Variants in OSBPL9 observed in about 807,000 individuals in gnomAD.
OSBPL9 encodes the protein oxysterol binding protein like 9, also known as oxysterol-binding protein-related protein 9.
A neutral mutation model predicts 106.6 loss-of-function variants in OSBPL9; 40 were observed. That is an observed-to-expected ratio of 0.38 (90% CI 0.29 to 0.49). The LOEUF (loss-of-function observed/expected upper bound fraction) is 0.49. Ranked by LOEUF, OSBPL9 falls within the 20% of genes least tolerant of loss-of-function variation. The pLI is 0.97. For missense variants in OSBPL9, 609 were observed against 887.2 expected (o/e 0.69, Z 3.98); for synonymous variants, 269 against 295.4 (o/e 0.91, Z 0.92).
chr1:51,683,778 G>A (rs1025603954), intron 3 of OSBPL9, among the ~76,000 whole-genome samples: 8 of 150,926 alleles, frequency 5.3e-5, no homozygotes, highest in Non-Finnish European at 7.4e-5. Context: ...GGGCGACAGA[G>A]CAAGACTCTG....
the OSBPL9 span, among the ~76,000 whole-genome samples, chr1:51,568,694 G>A: frequency 6.6e-6 from 1 of 152,074 alleles, no homozygotes; most frequent in Non-Finnish European, 1.5e-5. Flanking sequence ...AGCCTCCTGA[G>A]TACCTGGAAT....
chr1:51,641,006 C>T (rs529880505), intron 1 of OSBPL9, among the ~76,000 whole-genome samples: 1 of 151,796 alleles, frequency 6.6e-6, no homozygotes, highest in Non-Finnish European at 1.5e-5. Context: ...CCAGGCTGGT[C>T]TCCAACTCCT....
At chr1:51,557,630 T>C in the OSBPL9 span, among the ~76,000 whole-genome samples, 1 of 152,252 alleles carries the variant, frequency 6.6e-6, no homozygotes, top group Admixed American at 6.5e-5. Flanking sequence ...TTACCTGTGC[T>C]ATCCCACTTG....
rs900100127 is a variant in OSBPL9 at position 51,776,808 on chromosome 1, A to G, written c.1171-25A>G. On this transcript the variant is annotated intron_variant, in intron 14 of 23. Coordinates refer to ENST00000428468, the MANE Select transcript of OSBPL9 (RefSeq NM_024586.6). The stretch of plus-strand genomic sequence containing the variant: ...TATCTGAAGAGAAATTTGATCTTCA[A>G]GGGTCAAATGTGTATGTTTTTCAGG... 5 of 1,494,528 alleles carry G rather than the reference A, an allele frequency of 3.3e-6. No homozygotes were observed. In the East Asian group the frequency reaches 6.8e-5, roughly 20 times the overall value. The allele number at this position is 1,494,528 out of a possible 1,614,324, so 92.6% of individuals were successfully genotyped here. A position where few individuals can be genotyped will look rare whatever the true frequency, so the allele number is the denominator to read the frequency against.
At chr1:51,706,390 A>G (rs894315309) in intron 3 of OSBPL9, among the ~76,000 whole-genome samples, 1 of 152,122 alleles carries the variant, frequency 6.6e-6, no homozygotes, top group African/African-American at 2.4e-5. Context: ...TCAGGGAGTT[A>G]TGAGTATGTG....
chr1:51,645,483 T>C (rs1646097155), intron 1 of OSBPL9, among the ~76,000 whole-genome samples: 1 of 151,916 alleles, frequency 6.6e-6, no homozygotes, highest in African/African-American at 2.4e-5. Flanking sequence ...GTTTGTTTGG[T>C]TGGTTTTTTT....
At chr1:51,670,013 G>A (rs1649487779) in intron 3 of OSBPL9, among the ~76,000 whole-genome samples, 1 of 152,142 alleles carries the variant, frequency 6.6e-6, no homozygotes, top group South Asian at 2.1e-4. Flanking sequence ...GTATTTCTGT[G>A]TTTTGTTTGC....
chr1:51,743,810 C>T (rs1667426223), intron 4 of OSBPL9, among the ~76,000 whole-genome samples: 1 of 152,122 alleles, frequency 6.6e-6, no homozygotes. Context: ...ACTCTAATAT[C>T]TATGAAATAT....
intron 11 of OSBPL9, among the ~76,000 whole-genome samples, chr1:51,763,386 A>G (rs1416427587): frequency 6.6e-6 from 1 of 152,136 alleles, no homozygotes; most frequent in East Asian, 1.9e-4. Context: ...TAGATACTAG[A>G]TTTATCTTGT....
chr1:51,677,905 G>A (rs978107501), intron 3 of OSBPL9, among the ~76,000 whole-genome samples: 1 of 151,964 alleles, frequency 6.6e-6, no homozygotes, highest in African/African-American at 2.4e-5. Flanking sequence ...TGGGCACAGC[G>A]GCTCACACCC....
chr1:51,749,362 G>A (rs900651729), intron 7 of OSBPL9: 5 of 161,722 alleles, frequency 3.1e-5, no homozygotes, highest in African/African-American at 1.2e-4. Context: ...ATCCAGGCTG[G>A]AGTACAATGG....
At chr1:51,619,052 G>T (rs780393564) in intron 1 of OSBPL9, among the ~76,000 whole-genome samples, 2 of 152,072 alleles carry the variant, frequency 1.3e-5, no homozygotes, top group African/African-American at 2.4e-5. Flanking sequence ...GTTCAAGATT[G>T]TCTTTAGGTG....
chr1:51,575,674 A>C (rs1225070259), upstream of OSBPL9, among the ~76,000 whole-genome samples: 2 of 152,110 alleles, frequency 1.3e-5, no homozygotes, highest in Admixed American at 1.3e-4. Context: ...TTGCTTTTGA[A>C]AGAGTTAAGA....
intron 3 of OSBPL9, among the ~76,000 whole-genome samples, chr1:51,670,129 C>G (rs117553412): frequency 6.6e-6 from 1 of 152,152 alleles, no homozygotes; most frequent in Non-Finnish European, 1.5e-5. Context: ...GGGTAAGGTA[C>G]TGTATGATCA....
intron 3 of OSBPL9, among the ~76,000 whole-genome samples, chr1:51,676,414 A>G (rs1481648841): frequency 6.6e-6 from 1 of 152,016 alleles, no homozygotes; most frequent in Non-Finnish European, 1.5e-5. Flanking sequence ...TGGACAACAC[A>G]GTGAGATGCC....
At chr1:51,698,733 C>T (rs1656623394) in intron 3 of OSBPL9, among the ~76,000 whole-genome samples, 1 of 152,152 alleles carries the variant, frequency 6.6e-6, no homozygotes, top group Non-Finnish European at 1.5e-5. Flanking sequence ...TACTGTAGTA[C>T]TCAAAGTTGT....
rs553718369 is a variant in OSBPL9, at chr1:51,760,626, T to G, written c.583-64T>G. 1.0e-4 allele frequency: 164 copies of G among 1,606,544 alleles called. No individual in the cohort carries two copies. The South Asian group carries it at 1.7e-3, about 17-fold the overall frequency. On this transcript the variant is annotated intron_variant, in intron 9 of 23. Transcript: ENST00000428468. ...ATTTTGAAGTCATAAATGTGGGCAT[T>G]TGGGAGGGTAGCATGAGAAGAGCAT... is the stretch of plus-strand genomic sequence containing the variant.
chr1:51,731,761 G>A (rs1266532920), intron 4 of OSBPL9, among the ~76,000 whole-genome samples: 1 of 143,018 alleles, frequency 7.0e-6, no homozygotes, highest in Non-Finnish European at 1.5e-5. Context: ...TGGCGACAGA[G>A]CAAGAGTCTG....
upstream of OSBPL9, among the ~76,000 whole-genome samples, chr1:51,574,810 G>A (rs569646681): frequency 2.0e-4 from 30 of 147,028 alleles, no homozygotes; most frequent in African/African-American, 8.2e-4. Context: ...AAAGAGATTA[G>A]CAACAACATT....
Sources: gnomAD v4.1 joint callset for allele counts (sites outside exome capture counted in the v4.1 genomes callset) on GRCh38, gnomAD v4.1.1 for gene constraint, MANE v1.5 for transcripts, NCBI Gene and HGNC (gene_info 2026-07-23, HGNC 2026-07-21) for gene names.